Variants in TTLL1 observed in about 807,000 individuals in gnomAD.
TTLL1 encodes TTL family tubulin polyglutamylase complex subunit L1, also known as polyglutamylase complex subunit TTLL1.
Under a neutral mutation model 47.8 loss-of-function variants are expected in TTLL1, and 33 were observed. That is an observed-to-expected ratio of 0.69 (90% CI 0.52 to 0.92). TTLL1 has a LOEUF of 0.92. Among genes scored for constraint, TTLL1 ranks in the 40% least tolerant of loss-of-function variants. The pLI is 0.00. For synonymous variants in TTLL1, 225 were observed against 214.1 expected (o/e 1.05, Z -0.45); for missense variants, 488 against 547.5 (o/e 0.89, Z 1.08).
intron 10 of TTLL1, among the ~76,000 whole-genome samples, chr22:43,041,888 G>A (rs1321506212): frequency 1.3e-5 from 2 of 152,126 alleles, no homozygotes; most frequent in Non-Finnish European, 2.9e-5. Context: ...GAGCTGTCAG[G>A]ATGATGATAC....
At chr22:43,072,279 G>A (rs1406341506) in intron 3 of TTLL1, among the ~76,000 whole-genome samples, 5 of 148,366 alleles carry the variant, frequency 3.4e-5, no homozygotes, top group East Asian at 2.1e-4. Flanking sequence ...TCAGCCTCCC[G>A]AGTAGCTGGG....
At position 43,048,836 on chromosome 22, in the gene TTLL1, C is replaced by T. The variant is rs148370536; in HGVS notation, c.979-2263G>A. Among the ~76,000 whole-genome samples the T allele has an allele frequency of 7.6e-3, 1,157 of 151,940 alleles. 15 individuals carry two copies. The highest frequency in any genetic ancestry group is 0.026 in the African/African-American group (1,097 of 41,418). ...CCTGTAATCCCAGCTACTCAGGAGG[C>T]CGAGGCACAAGAATCACTTGAACCC... On this transcript the variant is annotated intron_variant, in intron 9 of 10. Transcript: ENST00000266254.
chr22:43,078,066 C>T (rs1928625845), intron 2 of TTLL1, among the ~76,000 whole-genome samples: 1 of 151,702 alleles, frequency 6.6e-6, no homozygotes, highest in African/African-American at 2.4e-5. Context: ...AGGATGACGC[C>T]ACTGCACTCC....
chr22:43,084,883 T>C (rs116546458), intron 1 of TTLL1, among the ~76,000 whole-genome samples: 2,961 of 151,368 alleles, frequency 0.02, 97 homozygotes, highest in African/African-American at 0.068. Context: ...GGGCCCTGGC[T>C]GGGCACTGGA....
At chr22:43,047,562 G>A (rs1431620455) in intron 9 of TTLL1, among the ~76,000 whole-genome samples, 4 of 151,982 alleles carry the variant, frequency 2.6e-5, no homozygotes, top group African/African-American at 4.8e-5. Context: ...TCTGCCTCCC[G>A]GGTTCAAGCA....
At chr22:43,046,239 TAAAC>T (rs911378732) in intron 10 of TTLL1, among the ~76,000 whole-genome samples, 167 bp downstream of exon 10, 8 of 151,948 alleles carry the variant, frequency 5.3e-5, no homozygotes, top group Non-Finnish European at 1.0e-4. Context: ...AATAATAAAA[TAAAC>T]AAATTGCTTT....
intron 8 of TTLL1, among the ~76,000 whole-genome samples, chr22:43,054,289 G>A (rs1199848527): frequency 2.0e-5 from 3 of 152,226 alleles, no homozygotes; most frequent in Admixed American, 6.6e-5. Context: ...ACTAGGTCCC[G>A]GGTTTTTTCT....
chr22:43,071,155 G>T (rs1184332958), intron 3 of TTLL1, among the ~76,000 whole-genome samples: 1 of 151,822 alleles, frequency 6.6e-6, no homozygotes, highest in Non-Finnish European at 1.5e-5. Flanking sequence ...GGATTCAACT[G>T]ATCCTGCCGC....
chr22:43,057,902 AC>A (rs1169451909), intron 8 of TTLL1, among the ~76,000 whole-genome samples: 5 of 151,664 alleles, frequency 3.3e-5, no homozygotes, highest in African/African-American at 1.2e-4. Flanking sequence ...GAGTAACAAA[AC>A]ACCCCAAGAC....
At chr22:43,053,292 A>C (rs752868058) in intron 8 of TTLL1, among the ~76,000 whole-genome samples, 9 of 152,172 alleles carry the variant, frequency 5.9e-5, no homozygotes, top group Non-Finnish European at 1.2e-4. Context: ...AAACACTTGA[A>C]GCTAGAAACT....
intron 8 of TTLL1, 135 bp from the exon 9 acceptor site, chr22:43,052,022 C>A (rs1308213164): frequency 2.7e-6 from 2 of 740,442 alleles, no homozygotes; most frequent in East Asian, 5.0e-5. Context: ...ACCACAAACG[C>A]TTCCTTCCCT....
At chr22:43,076,055 C>A (rs552655051) in intron 2 of TTLL1, among the ~76,000 whole-genome samples, 1 of 152,324 alleles carries the variant, frequency 6.6e-6, no homozygotes, top group East Asian at 1.9e-4. Flanking sequence ...GACCCTCGGG[C>A]CGACTTCCGA....
chr22:43,065,400 C>T (rs1013760327), intron 5 of TTLL1, among the ~76,000 whole-genome samples: 1 of 151,802 alleles, frequency 6.6e-6, no homozygotes, highest in Non-Finnish European at 1.5e-5. Flanking sequence ...AATGATTCTC[C>T]TGCCTCAGCC....
intron 10 of TTLL1, among the ~76,000 whole-genome samples, chr22:43,044,911 G>A (rs1158324906): frequency 2.0e-5 from 3 of 150,976 alleles, no homozygotes; most frequent in Non-Finnish European, 2.9e-5. Flanking sequence ...CGCCCAGGCT[G>A]GAGTGCAGTG....
chr22:43,040,047 C>T, intron 10 of TTLL1, 142 bp from the exon 11 acceptor site: 1 of 1,132,096 alleles, frequency 8.8e-7, no homozygotes, highest in East Asian at 2.6e-5. Flanking sequence ...CTGCTGGCTC[C>T]CGCCCACCTC....
At chr22:43,069,571 C>T in intron 4 of TTLL1, 65 bp downstream of exon 4, 4 of 1,604,974 alleles carry the variant, frequency 2.5e-6, no homozygotes, top group Non-Finnish European at 2.5e-6. Flanking sequence ...ACCTCAGCGC[C>T]TCGCGCCCCA....
At chr22:43,075,450 C>T (rs555266269) in intron 3 of TTLL1, 24 bp downstream of exon 3, 1 of 1,603,456 alleles carries the variant, frequency 6.2e-7, no homozygotes, top group African/African-American at 1.3e-5. Flanking sequence ...AGAGAAACAA[C>T]CCAGCCCTGC....
intron 1 of TTLL1, among the ~76,000 whole-genome samples, chr22:43,081,314 C>G (rs981390696): frequency 3.3e-5 from 5 of 152,100 alleles, no homozygotes; most frequent in Non-Finnish European, 7.4e-5. Flanking sequence ...CAGGCACAGG[C>G]AAGGCCCTCA....
In TTLL1 at chr22:43,057,957, T is replaced by A. The variant is rs1309632703; in HGVS notation, c.891+1427A>T. 1.3e-4 allele frequency among the ~76,000 whole-genome samples: 19 copies of A among 151,434 alleles called. No individual in the cohort carries two copies. In the East Asian group the frequency reaches 2.9e-3, roughly 23 times the overall value. Reference sequence around the variant, plus strand: ...GGAAATATATATATATATATATTTTTTTTTTTCTAGACAGTCTCACTCTGT... The same window carrying A: ...GGAAATATATATATATATATATTTTATTTTTTCTAGACAGTCTCACTCTGT... On this transcript the variant is annotated intron_variant, in intron 8 of 10. Coordinates refer to ENST00000266254, the MANE Select transcript of TTLL1 (RefSeq NM_012263.5).
Sources: gnomAD v4.1 joint callset for allele counts (sites outside exome capture counted in the v4.1 genomes callset) on GRCh38, gnomAD v4.1.1 for gene constraint, MANE v1.5 for transcripts, NCBI Gene and HGNC (gene_info 2026-07-23, HGNC 2026-07-21) for gene names.